The following ADAMTS2 variants were observed in gnomAD, a reference collection of about 807,000 sequenced individuals.
ADAMTS2 encodes the protein ADAM metallopeptidase with thrombospondin type 1 motif 2.
In ADAMTS2, 50 loss-of-function variants were observed where a neutral mutation model predicts 123.0. The ratio of observed to expected loss-of-function variants is 0.41; its 90% confidence interval spans 0.32 to 0.51. The LOEUF (loss-of-function observed/expected upper bound fraction) is 0.51, where lower values mean the gene tolerates loss of function less well. Among genes scored for constraint, ADAMTS2 ranks in the 20% least tolerant of loss-of-function variants. The pLI is 0.35. For missense variants in ADAMTS2, 1,494 were observed against 1,705.2 expected (o/e 0.88, Z 2.18); for synonymous variants, 678 against 695.4 (o/e 0.98, Z 0.39).
intron 5 of ADAMTS2, among the ~76,000 whole-genome samples, chr5:179,165,676 G>T (rs1016252564): frequency 6.6e-6 from 1 of 152,178 alleles, no homozygotes; most frequent in African/African-American, 2.4e-5. Flanking sequence ...CTGTATGACC[G>T]GGGATGGACA....
chr5:179,321,388 C>T (rs1214781646), intron 2 of ADAMTS2, among the ~76,000 whole-genome samples: 2 of 152,190 alleles, frequency 1.3e-5, no homozygotes, highest in African/African-American at 4.8e-5. Context: ...TCACTGGCCC[C>T]TCACCTGGTC....
rs1561628715 is a variant in ADAMTS2, at chr5:179,245,793, AAAC to A, written c.688+27115_688+27117del. 5.1e-3 allele frequency among the ~76,000 whole-genome samples: 585 copies of A among 114,560 alleles called. 93 individuals carry two copies. The highest frequency in any genetic ancestry group is 8.3e-3 in the Non-Finnish European group (411 of 49,518). The allele number at this position is 114,560 out of a possible 152,430, so 75.2% of individuals were successfully genotyped here. On this transcript the variant is annotated intron_variant, in intron 3 of 21. Transcript: ENST00000251582. ...AAAAAAAAAAAAAAAAAAAAAAAAA[AAAC>A]AAAAAAAACAAAGATGGGGGTGGAA...
chr5:179,163,770 G>A (rs929697329), intron 5 of ADAMTS2, among the ~76,000 whole-genome samples: 57 of 152,160 alleles, frequency 3.7e-4, no homozygotes, highest in Admixed American at 3.6e-3. Context: ...TTCTTGCCTC[G>A]CTTTGTTCTC....
chr5:179,144,156 G>T (rs1410690768), intron 10 of ADAMTS2, among the ~76,000 whole-genome samples: 3 of 151,982 alleles, frequency 2.0e-5, no homozygotes, highest in Non-Finnish European at 2.9e-5. Flanking sequence ...ATTTAAAAAT[G>T]AAATTAAGAA....
At chr5:179,141,770 C>A (rs1005370403) in intron 10 of ADAMTS2, among the ~76,000 whole-genome samples, 2 of 152,178 alleles carry the variant, frequency 1.3e-5, no homozygotes, top group Non-Finnish European at 2.9e-5. Flanking sequence ...TCATCCCTCT[C>A]AACTCTGTTG....
chr5:179,154,293 G>T, intron 7 of ADAMTS2, 101 bp from the exon 8 acceptor site: 1 of 1,500,278 alleles, frequency 6.7e-7, no homozygotes, highest in Non-Finnish European at 8.9e-7. Context: ...TCCCCAACGG[G>T]CCTCCTGACC....
In ADAMTS2 at chr5:179,285,517, G is replaced by T. The variant is rs1271745280; in HGVS notation, c.535-12453C>A. 6.6e-6 allele frequency among the ~76,000 whole-genome samples: 1 copy of T among 152,166 alleles called. No individual in the cohort carries two copies. The highest frequency in any genetic ancestry group is 2.4e-5 in the African/African-American group (1 of 41,436). On this transcript the variant is annotated intron_variant, in intron 2 of 21. Coordinates refer to ENST00000251582, the MANE Select transcript of ADAMTS2 (RefSeq NM_014244.5). The surrounding 1 kb of genome is among the most constrained non-coding windows in gnomAD (Gnocchi z 4.9). ...GGCTCCTGCACACACCAATGCCGGGGTAGCCTCCAGGAAACAGAGCTGGCC... is the reference window on the plus strand; with the variant it reads ...GGCTCCTGCACACACCAATGCCGGGTTAGCCTCCAGGAAACAGAGCTGGCC...
intron 2 of ADAMTS2, among the ~76,000 whole-genome samples, chr5:179,328,929 T>A (rs1757384814): frequency 6.6e-6 from 1 of 152,132 alleles, no homozygotes; most frequent in African/African-American, 2.4e-5. Flanking sequence ...GGGACACTAC[T>A]TTAGGCATTT....
chr5:179,285,542 C>T lies in ADAMTS2; in HGVS notation c.535-12478G>A, dbSNP rs540053100. 6.6e-6 allele frequency among the ~76,000 whole-genome samples: 1 copy of T among 152,288 alleles called. No individual in the cohort carries two copies. The highest frequency in any genetic ancestry group is 2.1e-4 in the South Asian group (1 of 4,822). ...GTAGCCTCCAGGAAACAGAGCTGGCCAGCCAGACCCAGCCAGGACACAGAG... is the reference window on the plus strand; with the variant it reads ...GTAGCCTCCAGGAAACAGAGCTGGCTAGCCAGACCCAGCCAGGACACAGAG... On this transcript the variant is annotated intron_variant, in intron 2 of 21. Transcript: ENST00000251582. The surrounding 1 kb of genome is among the most constrained non-coding windows in gnomAD (Gnocchi z 4.9).
intron 2 of ADAMTS2, among the ~76,000 whole-genome samples, chr5:179,328,854 A>T (rs1757382059): frequency 6.6e-6 from 1 of 152,212 alleles, no homozygotes; most frequent in South Asian, 2.1e-4. Flanking sequence ...TCCGTGAGAA[A>T]ATTAAACATC....
intron 5 of ADAMTS2, among the ~76,000 whole-genome samples, chr5:179,169,794 G>T (rs1034931472): frequency 6.6e-6 from 1 of 152,216 alleles, no homozygotes; most frequent in Non-Finnish European, 1.5e-5. Flanking sequence ...TCCACTAAGA[G>T]ACTCACATGC....
At chr5:179,166,521 C>T (rs1236725944) in intron 5 of ADAMTS2, among the ~76,000 whole-genome samples, 1 of 152,142 alleles carries the variant, frequency 6.6e-6, no homozygotes, top group Non-Finnish European at 1.5e-5. Flanking sequence ...ACCTCAGGCC[C>T]AGCCTGCAGG....
At position 179,310,818 on chromosome 5, in the gene ADAMTS2, G is replaced by A. The variant is rs564791523; in HGVS notation, c.534+32949C>T. Among the ~76,000 whole-genome samples, 128 of 152,284 alleles carry A rather than the reference G, an allele frequency of 8.4e-4. No homozygotes were observed. In the Middle Eastern group the frequency reaches 0.01, roughly 12 times the overall value. ...CTGCCCTGGGGACGCAGAGGCATCAGGGCCTTAGTCCTCCTGGGGACAGTG... is the reference window on the plus strand; with the variant it reads ...CTGCCCTGGGGACGCAGAGGCATCAAGGCCTTAGTCCTCCTGGGGACAGTG... On this transcript the variant is annotated intron_variant, in intron 2 of 21. Transcript: ENST00000251582.
In ADAMTS2 at chr5:179,306,326, T is replaced by C. The variant is rs1329263165; in HGVS notation, c.535-33262A>G. 2.6e-5 allele frequency among the ~76,000 whole-genome samples: 4 copies of C among 152,100 alleles called. No individual in the cohort carries two copies. The South Asian group carries it at 6.2e-4, about 24-fold the overall frequency. ...GTCTGGCACAATATCCAAAAGTCAGTGTAACCCAGCATATTAACAGACTGA... is the reference window on the plus strand; with the variant it reads ...GTCTGGCACAATATCCAAAAGTCAGCGTAACCCAGCATATTAACAGACTGA... On this transcript the variant is annotated intron_variant, in intron 2 of 21. Coordinates refer to ENST00000251582, the MANE Select transcript of ADAMTS2 (RefSeq NM_014244.5).
intron 2 of ADAMTS2, among the ~76,000 whole-genome samples, chr5:179,329,098 A>C (rs142536092): frequency 0.058 from 8,783 of 152,060 alleles, 559 homozygotes; most frequent in African/African-American, 0.16. Flanking sequence ...GAGGCCAAGG[A>C]GGGCGGATCA....
intron 2 of ADAMTS2, among the ~76,000 whole-genome samples, chr5:179,327,989 A>T (rs1392265689): frequency 6.6e-6 from 1 of 152,236 alleles, no homozygotes; most frequent in Non-Finnish European, 1.5e-5. Context: ...TATATCTGGG[A>T]ACGCAAACAT....
At chr5:179,137,713 G>C (rs901238592) in intron 12 of ADAMTS2, 56 bp downstream of exon 12, 551 of 1,187,784 alleles carry the variant, frequency 4.6e-4, no homozygotes, top group Non-Finnish European at 6.0e-4. Context: ...CCCCCACCCT[G>C]CCCACCCTAG....
At chr5:179,205,562 T>C (rs1764661836) in intron 4 of ADAMTS2, among the ~76,000 whole-genome samples, 1 of 152,138 alleles carries the variant, frequency 6.6e-6, no homozygotes, top group Non-Finnish European at 1.5e-5. Context: ...CCCAGTCCTT[T>C]CCCCGCTGGG....
In ADAMTS2 at chr5:179,262,656, C is replaced by T. The variant is rs1766263100; in HGVS notation, c.688+10255G>A. 6.6e-6 allele frequency among the ~76,000 whole-genome samples: 1 copy of T among 152,210 alleles called. No individual in the cohort carries two copies. The highest frequency in any genetic ancestry group is 1.5e-5 in the Non-Finnish European group (1 of 68,034). On this transcript the variant is annotated intron_variant, in intron 3 of 21. Coordinates refer to ENST00000251582, the MANE Select transcript of ADAMTS2 (RefSeq NM_014244.5). This position sits in a 1 kb window ranked among gnomAD's most constrained non-coding sequence, Gnocchi z 5.9. ...CTGGAACACCCTTCCCAGGGCTGGG[C>T]TTTCCCATCATCACCAACCTGGGGC...
Sources: gnomAD v4.1 joint callset for allele counts (sites outside exome capture counted in the v4.1 genomes callset) on GRCh38, gnomAD v4.1.1 for gene constraint, Gnocchi (gnomAD v3.1) non-coding constraint, MANE v1.5 for transcripts, NCBI Gene and HGNC (gene_info 2026-07-23, HGNC 2026-07-21) for gene names.